Variants in XNDC1N observed in about 807,000 individuals in gnomAD.
XNDC1N encodes protein XNDC1N.
At chr11:71,910,290 C>T in the XNDC1N span, among the ~76,000 whole-genome samples, 2 of 152,168 alleles carry the variant, frequency 1.3e-5, no homozygotes, top group Non-Finnish European at 2.9e-5. Context: ...GGGGTTGCTG[C>T]CAGCTGAGGA....
chr11:71,923,278 G>C, the XNDC1N span: 1 of 702,446 alleles, frequency 1.4e-6, no homozygotes, highest in East Asian at 2.7e-5. Context: ...CAGTTATTAA[G>C]AAAACAAATC....
chr11:71,907,860 C>A, the XNDC1N span, among the ~76,000 whole-genome samples: 2 of 152,122 alleles, frequency 1.3e-5, no homozygotes, highest in Non-Finnish European at 2.9e-5. Flanking sequence ...TTTTTAAGGA[C>A]CATCTCACAC....
chr11:71,885,643 G>A, the XNDC1N span, among the ~76,000 whole-genome samples: 1 of 152,066 alleles, frequency 6.6e-6, no homozygotes, highest in South Asian at 2.1e-4. Context: ...AATATCACAG[G>A]TGGGTGTACA....
the XNDC1N span, among the ~76,000 whole-genome samples, chr11:71,908,561 CT>C: frequency 3.3e-5 from 5 of 152,086 alleles, no homozygotes; most frequent in Admixed American, 3.3e-4. Context: ...CAGCGATATA[CT>C]GGGTTAGATG....
chr11:71,890,919 C>T, the XNDC1N span, among the ~76,000 whole-genome samples: 79 of 152,046 alleles, frequency 5.2e-4, no homozygotes, highest in African/African-American at 1.7e-3. Context: ...AACATCCCTG[C>T]GATATTGAGA....
At chr11:71,895,533 G>A in the XNDC1N span, among the ~76,000 whole-genome samples, 13 of 135,086 alleles carry the variant, frequency 9.6e-5, no homozygotes, top group African/African-American at 3.3e-4. Flanking sequence ...CTCCATTTTG[G>A]TCAGGCTGGT....
chr11:71,921,217 T>C, the XNDC1N span, among the ~76,000 whole-genome samples: 2 of 152,074 alleles, frequency 1.3e-5, no homozygotes, highest in South Asian at 4.1e-4. Flanking sequence ...TGCAGTCGCA[T>C]AATCACAGCT....
the XNDC1N span, chr11:71,918,965 C>T: frequency 1.4e-6 from 1 of 702,972 alleles, no homozygotes; most frequent in Non-Finnish European, 2.6e-6. Flanking sequence ...CTGAGGGCAG[C>T]CGAGCCAAGG....
the XNDC1N span, among the ~76,000 whole-genome samples, chr11:71,919,664 C>G: frequency 6.8e-6 from 1 of 147,542 alleles, no homozygotes; most frequent in South Asian, 2.1e-4. Flanking sequence ...GTAGCCCAGG[C>G]TAGAATGCAG....
the XNDC1N span, chr11:71,893,575 C>G: frequency 1.0e-6 from 1 of 998,066 alleles, no homozygotes; most frequent in Non-Finnish European, 1.6e-6. Flanking sequence ...GTCCATGCAT[C>G]TGGTCATGGT....
At chr11:71,919,605 GT>G in the XNDC1N span, among the ~76,000 whole-genome samples, 5 of 10,934 alleles carry the variant, frequency 4.6e-4, no homozygotes, top group Non-Finnish European at 1.3e-3. Flanking sequence ...GGCCAGGTTG[GT>G]TTTTTTTTTT....
At chr11:71,900,893 C>T in the XNDC1N span, among the ~76,000 whole-genome samples, 1 of 152,196 alleles carries the variant, frequency 6.6e-6, no homozygotes, top group South Asian at 2.1e-4. Context: ...AGGGTGAAGT[C>T]CAATTTGAAC....
chr11:71,915,550 T>C, the XNDC1N span, among the ~76,000 whole-genome samples: 1 of 152,226 alleles, frequency 6.6e-6, no homozygotes, highest in Non-Finnish European at 1.5e-5. Context: ...ACTTGCTTTA[T>C]TGTCATGATC....
At chr11:71,918,956 T>C in the XNDC1N span, 5 of 702,990 alleles carry the variant, frequency 7.1e-6, no homozygotes, top group Non-Finnish European at 1.3e-5. Context: ...ACTCTTGTCC[T>C]GAGGGCAGCC....
the XNDC1N span, among the ~76,000 whole-genome samples, chr11:71,899,659 C>T: frequency 6.6e-6 from 1 of 152,298 alleles, no homozygotes; most frequent in East Asian, 1.9e-4. Context: ...CTCAATAAAC[C>T]AGGGGCACGA....
the XNDC1N span, among the ~76,000 whole-genome samples, chr11:71,870,224 A>T: frequency 1.3e-5 from 2 of 152,152 alleles, no homozygotes; most frequent in Non-Finnish European, 2.9e-5. Flanking sequence ...GAGCCAAACC[A>T]TATCACTGTC....
the XNDC1N span, among the ~76,000 whole-genome samples, chr11:71,898,404 C>A: frequency 4.0e-5 from 6 of 151,802 alleles, no homozygotes; most frequent in Non-Finnish European, 7.4e-5. Flanking sequence ...CTCAGGAGTT[C>A]GAGAACAGCC....
At chr11:71,887,029 C>T in the XNDC1N span, among the ~76,000 whole-genome samples, 350 of 152,194 alleles carry the variant, frequency 2.3e-3, no homozygotes, top group Middle Eastern at 0.01. Flanking sequence ...GCAGGAGGCC[C>T]CGGACAAGGA....
At chr11:71,888,395 C>G in the XNDC1N span, among the ~76,000 whole-genome samples, 1 of 151,114 alleles carries the variant, frequency 6.6e-6, no homozygotes, top group Non-Finnish European at 1.5e-5. Context: ...CCTTTGTATG[C>G]GGTCACCAAG....
Sources: gnomAD v4.1 joint callset for allele counts (sites outside exome capture counted in the v4.1 genomes callset) on GRCh38, gnomAD v4.1.1 for gene constraint, MANE v1.5 for transcripts, NCBI Gene and HGNC (gene_info 2026-07-23, HGNC 2026-07-21) for gene names.